The following EGFLAM variants were observed in gnomAD, a reference collection of about 807,000 sequenced individuals.
The protein encoded by EGFLAM is pikachurin.
Under a neutral mutation model 113.1 loss-of-function variants are expected in EGFLAM, and 79 were observed. That is an observed-to-expected ratio of 0.70 (90% CI 0.58 to 0.84). EGFLAM has a LOEUF of 0.84. Ranked by LOEUF, EGFLAM falls within the 40% of genes least tolerant of loss-of-function variation. EGFLAM has a pLI of 0.00. For missense variants in EGFLAM, 1,265 were observed against 1,291.6 expected, an observed-to-expected ratio of 0.98 and a Z score of 0.32; for synonymous variants, 504 against 487.6, an observed-to-expected ratio of 1.03 and a Z score of -0.44.
At chr5:38,327,168 A>G (rs1409163273) in intron 1 of EGFLAM, among the ~76,000 whole-genome samples, 1 of 152,170 alleles carries the variant, frequency 6.6e-6, no homozygotes, top group Non-Finnish European at 1.5e-5. Flanking sequence ...CATTCATCAC[A>G]AACTATTTTT....
At chr5:38,418,708 T>C (rs1270874744) in intron 12 of EGFLAM, among the ~76,000 whole-genome samples, 11 of 152,222 alleles carry the variant, frequency 7.2e-5, no homozygotes, top group Admixed American at 7.2e-4. Context: ...TCTCATATGC[T>C]CTCTCATTTA....
intron 6 of EGFLAM, among the ~76,000 whole-genome samples, chr5:38,378,560 C>G (rs1740426418): frequency 1.3e-5 from 2 of 152,316 alleles, no homozygotes; most frequent in East Asian, 1.9e-4. Flanking sequence ...AGGAAGTGCT[C>G]CAAAGTCCCT....
At chr5:38,359,654 G>A (rs1266819061) in intron 5 of EGFLAM, among the ~76,000 whole-genome samples, 5 of 152,164 alleles carry the variant, frequency 3.3e-5, no homozygotes, top group Admixed American at 6.5e-5. Context: ...CAGTCTGGGC[G>A]ACAGAGTGAG....
intron 1 of EGFLAM, among the ~76,000 whole-genome samples, chr5:38,325,762 A>G (rs1402454407): frequency 6.6e-6 from 1 of 152,222 alleles, no homozygotes; most frequent in African/African-American, 2.4e-5. Context: ...ACATGCAGAT[A>G]AAAGTACATA....
chr5:38,396,882 T>C (rs1740975458), intron 6 of EGFLAM, among the ~76,000 whole-genome samples: 1 of 152,146 alleles, frequency 6.6e-6, no homozygotes, highest in Non-Finnish European at 1.5e-5. Flanking sequence ...AACACCTTGG[T>C]CTCTGGCCAT....
intron 3 of EGFLAM, among the ~76,000 whole-genome samples, chr5:38,347,537 C>A (rs1361060551): frequency 6.6e-6 from 1 of 152,046 alleles, no homozygotes; most frequent in Non-Finnish European, 1.5e-5. Context: ...TGATCTGAGT[C>A]ATGAAGAATG....
At chr5:38,388,876 C>A (rs1431594463) in intron 6 of EGFLAM, among the ~76,000 whole-genome samples, 4 of 148,816 alleles carry the variant, frequency 2.7e-5, no homozygotes, top group Non-Finnish European at 5.9e-5. Context: ...GGTTGTGCCC[C>A]TGGACTCCAG....
intron 1 of EGFLAM, among the ~76,000 whole-genome samples, chr5:38,266,521 T>C (rs188780923): frequency 1.3e-5 from 2 of 152,370 alleles, no homozygotes; most frequent in Non-Finnish European, 2.9e-5. Flanking sequence ...AATTTCTATA[T>C]TTCCAGGCAT....
chr5:38,300,664 C>T (rs562722034), intron 1 of EGFLAM, among the ~76,000 whole-genome samples: 17 of 152,174 alleles, frequency 1.1e-4, no homozygotes, highest in Admixed American at 3.3e-4. Flanking sequence ...CATGAGCCAT[C>T]GCGCCCGGCC....
chr5:38,353,048 C>A (rs542329476), intron 5 of EGFLAM, among the ~76,000 whole-genome samples: 1 of 152,292 alleles, frequency 6.6e-6, no homozygotes, highest in African/African-American at 2.4e-5. Flanking sequence ...CAAGGACAAC[C>A]CATTGTTTCT....
intron 1 of EGFLAM, among the ~76,000 whole-genome samples, chr5:38,266,146 C>T (rs1475490889): frequency 2.6e-5 from 4 of 152,122 alleles, no homozygotes; most frequent in East Asian, 3.9e-4. Context: ...CCAACATTTT[C>T]CCCCCTTACC....
intron 12 of EGFLAM, among the ~76,000 whole-genome samples, chr5:38,422,304 C>T (rs867655170): frequency 1.3e-5 from 2 of 152,072 alleles, no homozygotes; most frequent in Non-Finnish European, 2.9e-5. Flanking sequence ...CTTGCCACAC[C>T]CACCTCTCCT....
chr5:38,456,627 G>T (rs1743095598), intron 19 of EGFLAM, among the ~76,000 whole-genome samples: 1 of 152,196 alleles, frequency 6.6e-6, no homozygotes, highest in Non-Finnish European at 1.5e-5. Context: ...TCAATGGGCT[G>T]TGTGAGTTCT....
chr5:38,298,601 C>A (rs1181725970), intron 1 of EGFLAM, among the ~76,000 whole-genome samples: 1 of 152,130 alleles, frequency 6.6e-6, no homozygotes, highest in East Asian at 1.9e-4. Context: ...CACTAAATCA[C>A]CAAAATAAAT....
chr5:38,407,252 A>G (rs1001219055), intron 8 of EGFLAM, 106 bp downstream of exon 8: 3 of 1,225,670 alleles, frequency 2.4e-6, no homozygotes, highest in South Asian at 3.0e-5. Context: ...CTTCTCCAAG[A>G]TAAGTACCTT....
At chr5:38,352,750 G>A (rs1433894247) in intron 5 of EGFLAM, among the ~76,000 whole-genome samples, 2 of 152,042 alleles carry the variant, frequency 1.3e-5, no homozygotes, top group South Asian at 2.1e-4. Flanking sequence ...ATATTTAAGA[G>A]CGAACAGAGG....
At chr5:38,320,097 C>T (rs1305810712) in intron 1 of EGFLAM, among the ~76,000 whole-genome samples, 1 of 152,156 alleles carries the variant, frequency 6.6e-6, no homozygotes, top group Non-Finnish European at 1.5e-5. Context: ...GAAGAACATG[C>T]TAGGTGGTAG....
At chr5:38,345,352 T>C (rs1739447926) in intron 3 of EGFLAM, 1 of 152,210 alleles carries the variant, frequency 6.6e-6, no homozygotes, top group Non-Finnish European at 1.5e-5. Flanking sequence ...AATTGTAAGA[T>C]GAAAGTTTAT....
At chr5:38,312,397 T>A (rs868266199) in intron 1 of EGFLAM, among the ~76,000 whole-genome samples, 11 of 151,932 alleles carry the variant, frequency 7.2e-5, no homozygotes, top group Admixed American at 2.0e-4. Context: ...GCCTGCCACC[T>A]CGCCTGGCTA....
Sources: gnomAD v4.1 joint callset for allele counts (sites outside exome capture counted in the v4.1 genomes callset) on GRCh38, gnomAD v4.1.1 for gene constraint, MANE v1.5 for transcripts, NCBI Gene and HGNC (gene_info 2026-07-23, HGNC 2026-07-21) for gene names.